SEPTIN12: variants seen among roughly 807,000 people sequenced by gnomAD.
SEPTIN12 encodes the protein septin 12.
SEPTIN12 carries 42 observed loss-of-function variants against 37.7 expected under a neutral mutation model. The ratio of observed to expected loss-of-function variants is 1.11; its 90% CI spans 0.87 to 1.44. The LOEUF (loss-of-function observed/expected upper bound fraction) is 1.44, where lower values mean the gene tolerates loss of function less well. Ranked by LOEUF, SEPTIN12 falls within the 40% of genes most tolerant of loss-of-function variation. SEPTIN12 has a pLI of 0.00. For missense variants in SEPTIN12, 613 were observed against 479.2 expected (o/e 1.28, Z -2.61); for synonymous variants, 254 against 196.7 (o/e 1.29, Z -2.44).
intron 2 of SEPTIN12, among the ~76,000 whole-genome samples, chr16:4,787,184 G>C (rs931748996): frequency 1.3e-5 from 2 of 152,062 alleles, no homozygotes; most frequent in South Asian, 4.2e-4. Flanking sequence ...CCTCATTTTT[G>C]TACTTTTTGT....
At position 4,777,908 on chromosome 16, in the gene SEPTIN12, G is replaced by T; in HGVS notation, c.966C>A (p.Pro322=). 2 of 1,602,920 alleles carry T rather than the reference G, an allele frequency of 1.2e-6. No individual in the cohort carries two copies. The highest frequency in any genetic ancestry group is 1.7e-6 in the Non-Finnish European group (2 of 1,175,354). The part of the protein sequence containing the change: ...VIRLNESHLL[P]RGPGWVNLAP... ...CCAGGTTCACCCAGCCGGGCCCGCG[G>T]GGCAGCAGGTGGCTTTCATTGAGTC... is the stretch of plus-strand genomic sequence containing the variant. The change falls in exon 10 of 10, where the codon CCC becomes CCA. Residue 322 remains proline, a synonymous_variant. Coordinates refer to ENST00000268231, the MANE Select transcript of SEPTIN12 (RefSeq NM_144605.5).
At chr16:4,782,273 T>C (rs992702289) in intron 7 of SEPTIN12, among the ~76,000 whole-genome samples, 12 of 152,014 alleles carry the variant, frequency 7.9e-5, no homozygotes, top group East Asian at 5.8e-4. Flanking sequence ...TTTTAAAGGG[T>C]GAACTTCATT....
intron 4 of SEPTIN12, among the ~76,000 whole-genome samples, chr16:4,784,768 TC>T: frequency 8.1e-6 from 1 of 123,380 alleles, no homozygotes; most frequent in Non-Finnish European, 1.7e-5. Flanking sequence ...AGACACTGTC[TC>T]TAAATAAATA....
rs763846245 is a variant in SEPTIN12, at chr16:4,784,048, T to A, written c.395A>T (p.Tyr132Phe). 6.2e-7 allele frequency: 1 copy of A among 1,614,166 alleles called. No individual in the cohort carries two copies. The highest frequency in any genetic ancestry group is 8.5e-7 in the Non-Finnish European group (1 of 1,180,022). The change falls in exon 5 of 10, where the codon TAC (tyrosine) becomes TTC (phenylalanine). Residue 132 changes from tyrosine (Y) to phenylalanine (F), a missense_variant. Transcript: ENST00000268231. Reference protein sequence around the residue: ...NDNCWDPILGYINEQYEQYLQ... With the variant: ...NDNCWDPILGFINEQYEQYLQ... ...GTACTGCTCGTATTGCTCGTTGATG[T>A]AGCCCAGGATGGGGTCCCAGCTGAG...
rs751692065 is a variant in SEPTIN12, at chr16:4,785,818, G to C, written c.363C>G (p.Asn121Lys). Residue 121 changes from asparagine to lysine, a missense_variant, in exon 4 of 10, where the codon AAC becomes AAG. Physicochemically the swap from Asn to Lys is moderately conservative, Grantham distance 94. Transcript: ENST00000268231. ...TDTPGFGDQINNDNCWDPILG... is the reference protein window; with the variant it reads ...TDTPGFGDQIKNDNCWDPILG... The stretch of plus-strand genomic sequence containing the variant: ...GAGAGAGAACCTACCAGTTGTCATT[G>C]TTGATCTGGTCCCCGAAGCCGGGCG... 2 of 1,597,076 alleles carry C rather than the reference G, an allele frequency of 1.3e-6. No individual in the cohort carries two copies. The highest frequency in any genetic ancestry group is 4.5e-5 in the East Asian group (2 of 44,746).
intron 8 of SEPTIN12, 73 bp from the exon 9 acceptor site, chr16:4,778,210 G>A (rs2082335178): frequency 6.2e-6 from 9 of 1,461,546 alleles, no homozygotes; most frequent in South Asian, 5.7e-5. Context: ...TGCACCACCT[G>A]ACACCATTTC....
intron 7 of SEPTIN12, chr16:4,783,208 C>T (rs2082391639): frequency 2.0e-6 from 1 of 496,154 alleles, no homozygotes; most frequent in Non-Finnish European, 3.7e-6. Context: ...TGTGCCCGGC[C>T]CAATGTTCTC....
Position 4,786,041 on chromosome 16 carries a change from T to C in SEPTIN12, c.231A>G (p.Ser77=), listed in dbSNP as rs1286508196. The C allele has an allele frequency of 6.2e-7, 1 of 1,613,910 alleles. No homozygotes were observed. Among genetic ancestry groups the C allele is most frequent in the East Asian group, 2.2e-5 (1 of 44,890 alleles). Residue 77 remains serine, a synonymous_variant, in exon 3 of 10, where the codon TCA becomes TCG. Transcript: ENST00000268231. ...NTLFKSKVWK[S]NPPGLGVPTP... is the part of the protein sequence containing the mutation. ...TGGGCACCCCCAAGCCCGGTGGGTT[T>C]GACTTCCACACTTTGGACTTGAACA...
At chr16:4,782,813 C>A (rs2082386633) in intron 7 of SEPTIN12, among the ~76,000 whole-genome samples, 1 of 151,984 alleles carries the variant, frequency 6.6e-6, no homozygotes, top group Admixed American at 6.6e-5. Flanking sequence ...TCATGTTGGC[C>A]AGGCTGGTCT....
upstream of SEPTIN12, chr16:4,788,786 T>G (rs955643042): frequency 1.2e-4 from 19 of 152,242 alleles, no homozygotes; most frequent in African/African-American, 3.9e-4. Flanking sequence ...GTGCTGTTAC[T>G]ACCCCAAGCT....
intron 4 of SEPTIN12, 71 bp downstream of exon 4, chr16:4,785,736 C>G: frequency 9.1e-7 from 1 of 1,101,820 alleles, no homozygotes; most frequent in Non-Finnish European, 1.4e-6. Flanking sequence ...CGAGATCATG[C>G]CATTGCACTC....
rs1382698326 is a variant in SEPTIN12, at chr16:4,787,493, G to A, written c.153C>T (p.Asn51=). ...CCTCTCACTCACCCACCACCATGATGTTGAACTCAAACCCCATCTTCATAG... is the reference window on the plus strand; with the variant it reads ...CCTCTCACTCACCCACCACCATGATATTGAACTCAAACCCCATCTTCATAG... ...IKAMKMGFEF[N]IMVVGQSGLG... The change falls in exon 2 of 10, where the codon AAC becomes AAT. Residue 51 remains asparagine (N), a synonymous_variant. Coordinates refer to ENST00000268231, the MANE Select transcript of SEPTIN12 (RefSeq NM_144605.5). 1.2e-6 allele frequency: 2 copies of A among 1,612,910 alleles called. No homozygotes were observed. Among genetic ancestry groups the A allele is most frequent in the Admixed American group, 1.7e-5 (1 of 60,004 alleles).
intron 7 of SEPTIN12, 107 bp from the exon 8 acceptor site, chr16:4,779,893 A>T: frequency 1.3e-6 from 1 of 743,584 alleles, no homozygotes; most frequent in Non-Finnish European, 2.4e-6. Context: ...CTTTTCGAGG[A>T]GGGAACATGG....
At chr16:4,789,175 G>A (rs142917248), upstream of SEPTIN12, among the ~76,000 whole-genome samples, 11 of 152,008 alleles carry the variant, frequency 7.2e-5, no homozygotes, top group East Asian at 1.6e-3. Flanking sequence ...GCACCACCAC[G>A]CTAATTTTGT....
At chr16:4,790,618 T>C (rs1041165338), upstream of SEPTIN12, among the ~76,000 whole-genome samples, 3 of 152,032 alleles carry the variant, frequency 2.0e-5, no homozygotes, top group Non-Finnish European at 4.4e-5. Flanking sequence ...CGAAACCCCA[T>C]CTCTACTAAA....
intron 7 of SEPTIN12, 42 bp from the exon 8 acceptor site, chr16:4,779,828 C>T (rs771165072): frequency 7.2e-7 from 1 of 1,388,780 alleles, no homozygotes; most frequent in Non-Finnish European, 1.0e-6. Context: ...ATTGACTTCG[C>T]TGGGGAGAAG....
intron 7 of SEPTIN12, among the ~76,000 whole-genome samples, chr16:4,783,033 G>C (rs1425297033): frequency 6.6e-6 from 1 of 151,860 alleles, no homozygotes; most frequent in Non-Finnish European, 1.5e-5. Context: ...TCAGCCTCCT[G>C]AGTAGCTGGG....
chr16:4,785,794 A>AG lies in SEPTIN12; in HGVS notation c.374+12dup. 7.0e-7 allele frequency: 1 copy of AG among 1,436,548 alleles called. No individual in the cohort carries two copies. Among genetic ancestry groups the AG allele is most frequent in the Non-Finnish European group, 9.3e-7 (1 of 1,077,868 alleles). The allele number at this position is 1,436,548 out of a possible 1,614,324, so 89.0% of individuals were successfully genotyped here. Reference sequence around the variant, plus strand: ...ACTCTGCCTAAAAAAAAAAAAAAAGAGAGAGAACCTACCAGTTGTCATTGT... The same window carrying AG: ...ACTCTGCCTAAAAAAAAAAAAAAAGAGGAGAGAACCTACCAGTTGTCATTGT... On this transcript the variant is annotated intron_variant, in intron 4 of 9. Transcript: ENST00000268231.
intron 7 of SEPTIN12, among the ~76,000 whole-genome samples, chr16:4,782,317 G>A (rs1358157030): frequency 6.6e-6 from 1 of 152,178 alleles, no homozygotes; most frequent in African/African-American, 2.4e-5. Context: ...CCATGGTAGG[G>A]AATAGGCCGC....
Sources: gnomAD v4.1 joint callset for allele counts (sites outside exome capture counted in the v4.1 genomes callset) on GRCh38, gnomAD v4.1.1 for gene constraint, MANE v1.5 for transcripts, NCBI Gene and HGNC (gene_info 2026-07-23, HGNC 2026-07-21) for gene names.